GSDMC: variants seen among roughly 807,000 people sequenced by gnomAD.
GSDMC encodes gasdermin C.
In GSDMC, 59 loss-of-function variants were observed where a neutral mutation model predicts 58.0. The observed-to-expected ratio is 1.02, with a 90% confidence interval of 0.82 to 1.26. GSDMC has a LOEUF of 1.26. Among genes scored for constraint, GSDMC ranks in the 50% most tolerant of loss-of-function variants. The probability of loss-of-function intolerance (pLI) is 0.00; values close to 1 mark genes in which losing one functional copy is unlikely to be tolerated. For synonymous variants in GSDMC, 241 were observed against 220.2 expected (o/e 1.09, Z -0.83); for missense variants, 659 against 598.5 (o/e 1.10, Z -1.06).
chr8:129,709,009 A>C, the GSDMC span, among the ~76,000 whole-genome samples: 1 of 152,220 alleles, frequency 6.6e-6, no homozygotes, highest in Non-Finnish European at 1.5e-5. Context: ...TAACACATGA[A>C]GAAGGGAGTA....
chr8:129,740,071 GA>G, the GSDMC span, among the ~76,000 whole-genome samples: 1 of 151,918 alleles, frequency 6.6e-6, no homozygotes, highest in South Asian at 2.1e-4. Context: ...TAAAGAAAAA[GA>G]AATTTTACAT....
chr8:129,708,797 G>A, the GSDMC span, among the ~76,000 whole-genome samples: 8 of 152,252 alleles, frequency 5.3e-5, no homozygotes, highest in Non-Finnish European at 1.0e-4. Flanking sequence ...CTAGCACCAA[G>A]TCTTCTTCAG....
intron 4 of GSDMC, among the ~76,000 whole-genome samples, chr8:129,763,673 C>T (rs1462325493): frequency 6.6e-6 from 1 of 152,172 alleles, no homozygotes; most frequent in African/African-American, 2.4e-5. Flanking sequence ...ACTTCCCAGG[C>T]TCAAGCAATT....
chr8:129,753,346 C>T (rs760074838), intron 6 of GSDMC, among the ~76,000 whole-genome samples: 2 of 152,106 alleles, frequency 1.3e-5, no homozygotes, highest in Non-Finnish European at 2.9e-5. Flanking sequence ...AGTTGTGAGG[C>T]CCCCATTCCA....
chr8:129,742,071 A>T, the GSDMC span, among the ~76,000 whole-genome samples: 2 of 151,472 alleles, frequency 1.3e-5, no homozygotes, highest in African/African-American at 4.9e-5. Context: ...TCTCACTTAT[A>T]TGAAAAATTT....
chr8:129,781,934 A>G lies in GSDMC; in HGVS notation c.-5+4077T>C, dbSNP rs2034427468. Among the ~76,000 whole-genome samples, 3 of 152,158 alleles carry G rather than the reference A, an allele frequency of 2.0e-5. No homozygotes were observed. The South Asian group carries it at 6.2e-4, about 32-fold the overall frequency. On this transcript the variant is annotated intron_variant, in intron 1 of 13. Transcript: ENST00000276708. Reference sequence around the variant, plus strand: ...GAATACACATTTTTCTCCTCATCACATGGATCATTCTCAAGCGTAGACCAT... The same window carrying G: ...GAATACACATTTTTCTCCTCATCACGTGGATCATTCTCAAGCGTAGACCAT...
rs1328312167 is a variant in GSDMC, at chr8:129,748,476, G to A, written c.*25C>T. 6.3e-7 allele frequency: 1 copy of A among 1,583,518 alleles called. No homozygotes were observed. The highest frequency in any genetic ancestry group is 8.6e-7 in the Non-Finnish European group (1 of 1,166,108). On this transcript the variant is annotated 3_prime_UTR_variant, in exon 14 of 14. Coordinates refer to ENST00000276708, the MANE Select transcript of GSDMC (RefSeq NM_031415.3). ...AGACTGGGCGAGGGCCAGCATCTCTGGACTGACTGCCCATCAGGGAGGGCT... is the reference window on the plus strand; with the variant it reads ...AGACTGGGCGAGGGCCAGCATCTCTAGACTGACTGCCCATCAGGGAGGGCT...
chr8:129,757,811 TGA>T (rs2130403578), intron 6 of GSDMC, among the ~76,000 whole-genome samples: 1 of 152,146 alleles, frequency 6.6e-6, no homozygotes, highest in Non-Finnish European at 1.5e-5. Context: ...GGCAACATGG[TGA>T]GACCATGTCT....
intron 3 of GSDMC, among the ~76,000 whole-genome samples, chr8:129,772,778 T>G (rs2034104356): frequency 6.6e-6 from 1 of 152,194 alleles, no homozygotes; most frequent in Non-Finnish European, 1.5e-5. Context: ...AGGCCAGCAT[T>G]ACTCTAATAC....
chr8:129,729,304 ATTTG>A, the GSDMC span: 1 of 559,904 alleles, frequency 1.8e-6, no homozygotes, highest in South Asian at 1.5e-5. Flanking sequence ...GGCACATGAA[ATTTG>A]TTTTTTTTAA....
the GSDMC span, among the ~76,000 whole-genome samples, chr8:129,706,220 C>T: frequency 2.0e-5 from 3 of 151,870 alleles, no homozygotes. Context: ...ATTTTCTCCA[C>T]CAAAAAAAGT....
Position 129,760,539 on chromosome 8 carries a change from A to G in GSDMC, c.721+6T>C. On this transcript the variant is annotated splice_donor_region_variant and intron_variant, in intron 6 of 13. Transcript: ENST00000276708. ...AAAAATAAAAAGACCAGGCTTTGGAACTCACCATCTTGAAAGGTTCTCTGT... is the reference window on the plus strand; with the variant it reads ...AAAAATAAAAAGACCAGGCTTTGGAGCTCACCATCTTGAAAGGTTCTCTGT... The G allele has an allele frequency of 6.4e-7, 1 of 1,568,558 alleles. No individual in the cohort carries two copies. The highest frequency in any genetic ancestry group is 1.1e-5 in the South Asian group (1 of 89,444).
the GSDMC span, among the ~76,000 whole-genome samples, chr8:129,721,568 G>C: frequency 1.2e-4 from 18 of 150,940 alleles, no homozygotes; most frequent in Middle Eastern, 3.2e-3. Flanking sequence ...TGTGGAAATG[G>C]TAGAAATTCC....
At chr8:129,777,074 G>A (rs984868255) in intron 2 of GSDMC, among the ~76,000 whole-genome samples, 2 of 151,964 alleles carry the variant, frequency 1.3e-5, no homozygotes, top group African/African-American at 4.8e-5. Context: ...CCAGCCCCCA[G>A]GTACATAACT....
rs937569829 is a variant in GSDMC, at chr8:129,776,221, C to T, written c.285G>A (p.Met95Ile). 10 of 1,613,678 alleles carry T rather than the reference C, an allele frequency of 6.2e-6. No individual in the cohort carries two copies. In the Admixed American group the frequency reaches 1.0e-4, roughly 16 times the overall value. Residue 95 changes from methionine (M) to isoleucine (I), a missense_variant, in exon 3 of 14, where the codon ATG becomes ATA. Coordinates refer to ENST00000276708, the MANE Select transcript of GSDMC (RefSeq NM_031415.3). ...DIMIQKHKAD[M>I]GVNVGIEVSV... ...TCACTTCTATACCAACATTCACACCCATGTCAGCCTTATGCTTCTGGATCA... is the reference window on the plus strand; with the variant it reads ...TCACTTCTATACCAACATTCACACCTATGTCAGCCTTATGCTTCTGGATCA...
chr8:129,775,521 A>C (rs893451282), intron 3 of GSDMC, among the ~76,000 whole-genome samples: 3 of 152,188 alleles, frequency 2.0e-5, no homozygotes, highest in Non-Finnish European at 4.4e-5. Flanking sequence ...CACCACAAAA[A>C]AAATGATAAC....
chr8:129,716,182 G>A, the GSDMC span, among the ~76,000 whole-genome samples: 33 of 152,138 alleles, frequency 2.2e-4, no homozygotes, highest in African/African-American at 7.9e-4. Context: ...AAATGTAAGT[G>A]GTCTAAATAT....
At chr8:129,737,129 T>C in the GSDMC span, among the ~76,000 whole-genome samples, 49,281 of 151,770 alleles carry the variant, frequency 0.32, 11,564 homozygotes, top group African/African-American at 0.65. Context: ...CACTGCTCAA[T>C]GAAATAAAAG....
the GSDMC span, among the ~76,000 whole-genome samples, chr8:129,734,422 G>A: frequency 2.5e-4 from 38 of 152,318 alleles, no homozygotes; most frequent in African/African-American, 9.1e-4. Flanking sequence ...AGGGCAGCCA[G>A]AGAGAAAGGT....
Sources: gnomAD v4.1 joint callset for allele counts (sites outside exome capture counted in the v4.1 genomes callset) on GRCh38, gnomAD v4.1.1 for gene constraint, MANE v1.5 for transcripts, NCBI Gene and HGNC (gene_info 2026-07-23, HGNC 2026-07-21) for gene names.